The following PCGF2 variants were observed in gnomAD, a reference collection of about 807,000 sequenced individuals.
PCGF2 encodes polycomb group RING finger protein 2.
PCGF2 carries 8 observed loss-of-function variants against 36.1 expected under a neutral mutation model. That is an observed-to-expected ratio of 0.22 (90% confidence interval 0.13 to 0.40). PCGF2 has a LOEUF of 0.40. Among genes scored for constraint, PCGF2 ranks in the 10% least tolerant of loss-of-function variants. The probability of loss-of-function intolerance (pLI) is 1.00; values close to 1 mark genes in which losing one functional copy is unlikely to be tolerated. For missense variants in PCGF2, 436 were observed against 475.9 expected (o/e 0.92, Z 0.78); for synonymous variants, 198 against 191.2 (o/e 1.04, Z -0.29).
intron 3 of PCGF2, 136 bp downstream of exon 3, chr17:38,740,154 TA>T: frequency 2.7e-6 from 2 of 730,472 alleles, no homozygotes; most frequent in Non-Finnish European, 4.6e-6. Context: ...CTCTGTGACC[TA>T]AGGATTCCCA....
At chr17:38,745,190 G>T (rs895265222) in intron 2 of PCGF2, among the ~76,000 whole-genome samples, 6 of 152,226 alleles carry the variant, frequency 3.9e-5, no homozygotes, top group African/African-American at 1.4e-4. Flanking sequence ...ACATTAGTTG[G>T]GTGTGGTGGC....
At chr17:38,740,232 C>G (rs1396641158) in intron 3 of PCGF2, 59 bp downstream of exon 3, 3 of 1,481,612 alleles carry the variant, frequency 2.0e-6, no homozygotes, top group Non-Finnish European at 2.8e-6. Flanking sequence ...AGGCCGTGCC[C>G]GCCCCAATCT....
intron 2 of PCGF2, among the ~76,000 whole-genome samples, chr17:38,741,835 G>A (rs1297556560): frequency 6.6e-6 from 1 of 152,180 alleles, no homozygotes; most frequent in Non-Finnish European, 1.5e-5. Flanking sequence ...ATCCCTGCCA[G>A]TGTCCCTGAT....
chr17:38,740,929 T>C (rs1443615663), intron 2 of PCGF2, among the ~76,000 whole-genome samples: 8 of 152,206 alleles, frequency 5.3e-5, no homozygotes, highest in East Asian at 1.9e-4. Flanking sequence ...TGAGAGTTCA[T>C]TGGGTGCCCA....
At position 38,739,036 on chromosome 17, in the gene PCGF2, G is replaced by A. The variant is rs1046416363; in HGVS notation, c.316+32C>T. ...CACCTACATGGTCCCAGGCAAGACT[G>A]TGCACACACAAACAGACGCGAGCAC... On this transcript the variant is annotated intron_variant, in intron 6 of 10. Coordinates refer to ENST00000620225, the MANE Select transcript of PCGF2 (RefSeq NM_007144.3). This position sits in a 1 kb window ranked among gnomAD's most constrained non-coding sequence, Gnocchi z 4.0. 5 of 1,610,946 alleles carry A rather than the reference G, an allele frequency of 3.1e-6. No individual in the cohort carries two copies. In the Admixed American group the frequency reaches 5.0e-5, roughly 16 times the overall value.
chr17:38,736,014 GGTGGCCCAT>G (rs1906686920), intron 10 of PCGF2, 67 bp downstream of exon 10: 1 of 939,938 alleles, frequency 1.1e-6, no homozygotes, highest in East Asian at 2.6e-5. Context: ...ATTACAGAAG[GGTGGCCCAT>G]GTGGCCACAG....
intron 3 of PCGF2, among the ~76,000 whole-genome samples, chr17:38,740,019 G>T (rs1185982830): frequency 6.6e-6 from 1 of 152,226 alleles, no homozygotes; most frequent in South Asian, 2.1e-4. Context: ...CAAACAAGGG[G>T]TGTCCGCGTC....
intron 9 of PCGF2, among the ~76,000 whole-genome samples, chr17:38,738,083 G>A (rs1157694487): frequency 6.6e-6 from 1 of 152,120 alleles, no homozygotes; most frequent in Non-Finnish European, 1.5e-5. Flanking sequence ...GAGGCCCTGC[G>A]TTTTTTGCAC....
In PCGF2 at chr17:38,739,245, TTGTCA is replaced by T; in HGVS notation, c.213_217del (p.Asp72AsnfsTer15). The T allele has an allele frequency of 6.2e-7, 1 of 1,613,894 alleles. No individual in the cohort carries two copies. Among genetic ancestry groups the T allele is most frequent in the Non-Finnish European group, 8.5e-7 (1 of 1,179,914 alleles). On this transcript the variant is annotated frameshift_variant, in exon 5 of 11. Transcript: ENST00000620225. LOFTEE classifies it high-confidence loss of function. This position sits in a 1 kb window ranked among gnomAD's most constrained non-coding sequence, Gnocchi z 4.0. ...TTTGTAGACAATGTCTTGAAGTGTT[TTGTCA>T]GACCTGGGGAAAAATGGACAGGGCT...
Position 38,735,234 on chromosome 17 carries a change from G to T in PCGF2, c.1024C>A (p.Pro342Thr), listed in dbSNP as rs775916672. ...GAGGGTCCCTGGCCTCAAGTTAAGG[G>T]GGGCACGGGAGCGCCGTTGACAGTC... is the stretch of plus-strand genomic sequence containing the variant. ...KMTVNGAPVP[P>T]LT Residue 342 changes from proline (P) to threonine (T), a missense_variant, in exon 11 of 11, where the codon CCC becomes ACC. Around this residue, in one of 3 missense-constraint regions of PCGF2, gnomAD observed 227 missense variants for 212.9 expected, o/e 1.07. Coordinates refer to ENST00000620225, the MANE Select transcript of PCGF2 (RefSeq NM_007144.3). 4 of 1,429,222 alleles carry T rather than the reference G, an allele frequency of 2.8e-6. No homozygotes were observed. Among genetic ancestry groups the T allele is most frequent in the African/African-American group, 2.9e-5 (2 of 69,872 alleles). 88.5% of individuals were successfully genotyped at this position (1,429,222 alleles called of 1,614,324 possible).
Position 38,739,047 on chromosome 17 carries a change from A to G in PCGF2, c.316+21T>C, listed in dbSNP as rs1306503217. ...TCCCAGGCAAGACTGTGCACACACA[A>G]ACAGACGCGAGCACACTCACCCTCC... is the stretch of plus-strand genomic sequence containing the variant. On this transcript the variant is annotated intron_variant, in intron 6 of 10. Transcript: ENST00000620225. The surrounding 1 kb of genome is among the most constrained non-coding windows in gnomAD (Gnocchi z 4.0). The G allele has an allele frequency of 1.2e-6, 2 of 1,612,042 alleles. No homozygotes were observed. The highest frequency in any genetic ancestry group is 2.2e-5 in the South Asian group (2 of 90,984).
chr17:38,747,206 C>A (rs910803513), intron 2 of PCGF2, among the ~76,000 whole-genome samples: 1 of 151,942 alleles, frequency 6.6e-6, no homozygotes, highest in Non-Finnish European at 1.5e-5. Context: ...TGGGGGAGGG[C>A]GAGGGGCAGC....
chr17:38,739,942 G>A lies in PCGF2; in HGVS notation c.113-260C>T, dbSNP rs1176639709. On this transcript the variant is annotated intron_variant, in intron 3 of 10. Transcript: ENST00000620225. This position sits in a 1 kb window ranked among gnomAD's most constrained non-coding sequence, Gnocchi z 4.0. ...TGAGTCCCAAGCTCCCCGATGGAGT[G>A]GGGGACAAAAGCCAGCGTGTTCAAG... is the stretch of plus-strand genomic sequence containing the variant. 6.6e-6 allele frequency among the ~76,000 whole-genome samples: 1 copy of A among 152,132 alleles called. No homozygotes were observed. Among genetic ancestry groups the A allele is most frequent in the Non-Finnish European group, 1.5e-5 (1 of 68,012 alleles).
At position 38,740,271 on chromosome 17, in the gene PCGF2, C is replaced by T. The variant is rs1211183764; in HGVS notation, c.112+20G>A. On this transcript the variant is annotated intron_variant, in intron 3 of 10. Coordinates refer to ENST00000620225, the MANE Select transcript of PCGF2 (RefSeq NM_007144.3). ...CACAGAGGCTGCCCACCCTGAGCAG[C>T]TCCCCTCCCCCCAACTCACAGGAAT... 1.2e-6 allele frequency: 2 copies of T among 1,608,020 alleles called. No individual in the cohort carries two copies. The highest frequency in any genetic ancestry group is 2.2e-5 in the East Asian group (1 of 44,870).
rs775075296 is a variant in PCGF2, at chr17:38,738,567, C to T, written c.454G>A (p.Glu152Lys). 11 of 1,587,958 alleles carry T rather than the reference C, an allele frequency of 6.9e-6. No individual in the cohort carries two copies. Among genetic ancestry groups the T allele is most frequent in the African/African-American group, 1.3e-5 (1 of 74,200 alleles). The change falls in exon 8 of 11, where the codon GAG (glutamate) becomes AAG (lysine). Residue 152 changes from glutamate (E) to lysine (K), a missense_variant. Physicochemically the swap from Glu to Lys is moderately conservative, Grantham distance 56 (BLOSUM62 1). Coordinates refer to ENST00000620225, the MANE Select transcript of PCGF2 (RefSeq NM_007144.3). Reference protein sequence around the residue: ...RDRDEKKGPLENGDGDKEKTG... With the variant: ...RDRDEKKGPLKNGDGDKEKTG... Reference sequence around the variant, plus strand: ...TTCTCTTTGTCCCCATCCCCATTCTCCAGGGGGCCCTTCTTCTCGTCCCGG... The same window carrying T: ...TTCTCTTTGTCCCCATCCCCATTCTTCAGGGGGCCCTTCTTCTCGTCCCGG...
chr17:38,739,373 A>T lies in PCGF2; in HGVS notation c.210-120T>A. ...CCCTTCCTGAGACCGGTGCCCAGGC[A>T]TTAGGATCCCTGTGGGTCTGGTCTT... is the stretch of plus-strand genomic sequence containing the variant. On this transcript the variant is annotated intron_variant, in intron 4 of 10. Coordinates refer to ENST00000620225, the MANE Select transcript of PCGF2 (RefSeq NM_007144.3). The surrounding 1 kb of genome is among the most constrained non-coding windows in gnomAD (Gnocchi z 4.0). 1.0e-6 allele frequency: 1 copy of T among 991,436 alleles called. No homozygotes were observed. The highest frequency in any genetic ancestry group is 1.6e-6 in the Non-Finnish European group (1 of 630,886). The allele number at this position is 991,436 out of a possible 1,614,324, so 61.4% of individuals were successfully genotyped here. A position where few individuals can be genotyped will look rare whatever the true frequency, so the allele number is the denominator to read the frequency against.
chr17:38,747,584 G>C (rs1567638342), intron 2 of PCGF2, among the ~76,000 whole-genome samples: 1 of 151,878 alleles, frequency 6.6e-6, no homozygotes, highest in Non-Finnish European at 1.5e-5. Context: ...CGCCGGCGCC[G>C]GGACGGGGAG....
chr17:38,734,954 CAA>C lies in PCGF2; in HGVS notation c.*267_*268del. The C allele has an allele frequency of 3.3e-6, 1 of 298,946 alleles. No individual in the cohort carries two copies. Among genetic ancestry groups the C allele is most frequent in the Non-Finnish European group, 6.1e-6 (1 of 165,138 alleles). The allele number at this position is 298,946 out of a possible 1,614,324, so 18.5% of individuals were successfully genotyped here. On this transcript the variant is annotated 3_prime_UTR_variant, in exon 11 of 11. Coordinates refer to ENST00000620225, the MANE Select transcript of PCGF2 (RefSeq NM_007144.3). ...ACAGCAAATTACACAAGACCCCCCC[CAA>C]AAAAAATGAACACCATTTTCCACAC...
Position 38,739,597 on chromosome 17 carries a change from C to G in PCGF2, c.198G>C (p.Leu66=). Residue 66 remains leucine, a synonymous_variant, in exon 4 of 11, where the codon CTG becomes CTC. Coordinates refer to ENST00000620225, the MANE Select transcript of PCGF2 (RefSeq NM_007144.3). This position sits in a 1 kb window ranked among gnomAD's most constrained non-coding sequence, Gnocchi z 4.0. ...CDVQVHKTRP[L]LSIRSDKTLQ... is the part of the protein sequence containing the mutation. The stretch of plus-strand genomic sequence containing the variant: ...CGTGCCAAGCCCACCTGATGCTCAG[C>G]AGCGGCCGGGTTTTATGGACCTGCA... 1 of 1,613,368 alleles carries G rather than the reference C, an allele frequency of 6.2e-7. No homozygotes were observed. Among genetic ancestry groups the G allele is most frequent in the African/African-American group, 1.3e-5 (1 of 75,008 alleles).
Sources: gnomAD v4.1 joint callset for allele counts (sites outside exome capture counted in the v4.1 genomes callset) on GRCh38, gnomAD v4.1.1 for gene constraint, gnomAD v4.1.1 regional missense constraint, Gnocchi (gnomAD v3.1) non-coding constraint, MANE v1.5 for transcripts, NCBI Gene and HGNC (gene_info 2026-07-23, HGNC 2026-07-21) for gene names.